PLXDC1: variants seen among roughly 807,000 people sequenced by gnomAD.
PLXDC1 encodes plexin domain containing 1.
A neutral mutation model predicts 61.3 loss-of-function variants in PLXDC1; 39 were observed. The ratio of observed to expected loss-of-function variants is 0.64; its 90% CI spans 0.49 to 0.83. The LOEUF is 0.83. Among genes scored for constraint, PLXDC1 ranks in the 40% least tolerant of loss-of-function variants. The pLI is 0.00. For missense variants in PLXDC1, 596 were observed against 666.5 expected, an observed-to-expected ratio of 0.89 and a Z score of 1.17; for synonymous variants, 212 against 254.5, an observed-to-expected ratio of 0.83 and a Z score of 1.59.
At chr17:39,120,491 G>A (rs1911126898) in intron 2 of PLXDC1, among the ~76,000 whole-genome samples, 1 of 152,136 alleles carries the variant, frequency 6.6e-6, no homozygotes, top group Admixed American at 6.5e-5. Context: ...GACTCTGGCA[G>A]ATCATACGAT....
chr17:39,064,874 G>A lies in PLXDC1; in HGVS notation c.*2966C>T, dbSNP rs1908836460. 1.3e-5 allele frequency: 2 copies of A among 152,220 alleles called. No individual in the cohort carries two copies. Among genetic ancestry groups the A allele is most frequent in the Admixed American group, 6.5e-5 (1 of 15,286 alleles). The allele number at this position is 152,220 out of a possible 1,614,324, so 9.4% of individuals were successfully genotyped here. ...AAAGGACACAGTGGGCTGTAACAGA[G>A]CTCTCTGAATGAGGGAAGCACAGCC... On this transcript the variant is annotated 3_prime_UTR_variant, in exon 14 of 14. Transcript: ENST00000315392.
rs572237046 is a variant in PLXDC1, at chr17:39,116,883, A to G, written c.256-7492T>C. 8.5e-5 allele frequency among the ~76,000 whole-genome samples: 13 copies of G among 152,346 alleles called. No individual in the cohort carries two copies. In the South Asian group the frequency reaches 2.7e-3, roughly 32 times the overall value. ...GGTTCAAAAGGAGAAACCTCGCACC[A>G]AGAGTGGAACACAAGATCTTCCCTT... On this transcript the variant is annotated intron_variant, in intron 2 of 13. Coordinates refer to ENST00000315392, the MANE Select transcript of PLXDC1 (RefSeq NM_020405.5).
chr17:39,084,310 A>T (rs1909666486), intron 8 of PLXDC1, among the ~76,000 whole-genome samples: 1 of 152,224 alleles, frequency 6.6e-6, no homozygotes, highest in African/African-American at 2.4e-5. Context: ...TTCATGCTAA[A>T]TGAGTAGATT....
intron 2 of PLXDC1, among the ~76,000 whole-genome samples, chr17:39,114,367 G>A (rs1910901933): frequency 6.6e-6 from 1 of 152,102 alleles, no homozygotes; most frequent in Admixed American, 6.6e-5. Context: ...CCCTGTTCAG[G>A]AGCTGACCCT....
chr17:39,086,692 T>G, intron 8 of PLXDC1, among the ~76,000 whole-genome samples: 1 of 151,318 alleles, frequency 6.6e-6, no homozygotes, highest in East Asian at 1.9e-4. Flanking sequence ...TGAAACCCTA[T>G]TTCTATTAAA....
intron 2 of PLXDC1, among the ~76,000 whole-genome samples, chr17:39,128,163 GTA>G (rs768519527): frequency 0.028 from 681 of 24,302 alleles, 54 homozygotes; most frequent in African/African-American, 0.12. Flanking sequence ...GTATATATAT[GTA>G]TATATATGTA....
chr17:39,139,978 C>T, intron 1 of PLXDC1, 146 bp from the exon 2 acceptor site: 1 of 754,324 alleles, frequency 1.3e-6, no homozygotes, highest in Non-Finnish European at 2.1e-6. Flanking sequence ...ACAGGAGACA[C>T]CCAATGTGTA....
chr17:39,091,324 CT>C (rs5820277), intron 7 of PLXDC1, among the ~76,000 whole-genome samples: 68,156 of 151,926 alleles, frequency 0.45, 15,628 homozygotes, highest in Admixed American at 0.54. Flanking sequence ...CACACACCCA[CT>C]GACTCCCATG....
chr17:39,116,222 G>A (rs1415061098), intron 2 of PLXDC1, among the ~76,000 whole-genome samples: 1 of 152,182 alleles, frequency 6.6e-6, no homozygotes, highest in Non-Finnish European at 1.5e-5. Context: ...AGATCTTTAA[G>A]CAACAGCTCT....
chr17:39,068,109 G>A, intron 13 of PLXDC1, 150 bp from the exon 14 acceptor site: 1 of 672,236 alleles, frequency 1.5e-6, no homozygotes. Flanking sequence ...GACCTTCAGG[G>A]ACCCTCTCCC....
intron 2 of PLXDC1, among the ~76,000 whole-genome samples, chr17:39,131,346 CTCTTTT>C (rs984682595): frequency 7.7e-5 from 11 of 143,618 alleles, no homozygotes; most frequent in African/African-American, 3.1e-4. Flanking sequence ...AATCTCTTCT[CTCTTTT>C]TCTTTTCTTT....
At chr17:39,092,339 G>A (rs934150717) in intron 7 of PLXDC1, among the ~76,000 whole-genome samples, 14 of 152,140 alleles carry the variant, frequency 9.2e-5, no homozygotes, top group East Asian at 3.9e-4. Context: ...CTCCCAAAGC[G>A]CTGAGGTTCT....
chr17:39,152,948 G>A (rs1336854638), upstream of PLXDC1: 2 of 318,244 alleles, frequency 6.3e-6, no homozygotes, highest in Non-Finnish European at 1.1e-5. Flanking sequence ...AGGCCGGTCT[G>A]TAAATTCTTC....
chr17:39,105,016 A>G (rs1910545814), intron 7 of PLXDC1, among the ~76,000 whole-genome samples: 1 of 152,180 alleles, frequency 6.6e-6, no homozygotes, highest in South Asian at 2.1e-4. Context: ...GGGGCTCCCA[A>G]GCGTGTCCTT....
chr17:39,125,307 C>T (rs938482534), intron 2 of PLXDC1, among the ~76,000 whole-genome samples: 1 of 152,292 alleles, frequency 6.6e-6, no homozygotes, highest in African/African-American at 2.4e-5. Flanking sequence ...AGCTCTGCCT[C>T]GCTGAGGGTC....
intron 2 of PLXDC1, 37 bp downstream of exon 2, chr17:39,139,617 C>G: frequency 1.3e-6 from 2 of 1,541,770 alleles, no homozygotes; most frequent in East Asian, 2.3e-5. Flanking sequence ...TCCCCCACCC[C>G]CACTTCGCTC....
At chr17:39,113,575 T>C (rs1187471923) in intron 2 of PLXDC1, among the ~76,000 whole-genome samples, 1 of 152,208 alleles carries the variant, frequency 6.6e-6, no homozygotes, top group East Asian at 1.9e-4. Context: ...GCACAGTGGT[T>C]CATGCCTGTA....
chr17:39,136,377 C>CA (rs1251001406), intron 2 of PLXDC1, among the ~76,000 whole-genome samples: 1 of 152,018 alleles, frequency 6.6e-6, no homozygotes, highest in Non-Finnish European at 1.5e-5. Context: ...AAAATGAATA[C>CA]AAAAAAATAA....
At chr17:39,070,947 C>T (rs965364439) in intron 12 of PLXDC1, among the ~76,000 whole-genome samples, 1 of 152,230 alleles carries the variant, frequency 6.6e-6, no homozygotes, top group East Asian at 1.9e-4. Context: ...CACTGCACTC[C>T]AGCATGGGCG....
Sources: allele counts gnomAD v4.1 joint callset (sites outside exome capture counted in the v4.1 genomes callset), GRCh38; gene constraint gnomAD v4.1.1; transcripts MANE v1.5; gene names NCBI Gene and HGNC (gene_info 2026-07-23, HGNC 2026-07-21).